Variants in WWC2 observed in about 807,000 individuals in gnomAD.
The protein encoded by WWC2 is WW and C2 domain containing 2.
In WWC2, 101 loss-of-function variants were observed where a neutral mutation model predicts 138.5. The observed-to-expected ratio is 0.73, with a 90% CI of 0.62 to 0.86. The LOEUF (loss-of-function observed/expected upper bound fraction) is 0.86, where lower values mean the gene tolerates loss of function less well. Ranked by LOEUF, WWC2 falls within the 40% of genes least tolerant of loss-of-function variation. The pLI is 0.00. For synonymous variants in WWC2, 558 were observed against 538.4 expected (o/e 1.04, Z -0.50); for missense variants, 1,420 against 1,419.4 (o/e 1.00, Z -0.01).
chr4:183,135,849 T>C (rs1424427018), intron 1 of WWC2, among the ~76,000 whole-genome samples: 1 of 152,214 alleles, frequency 6.6e-6, no homozygotes, highest in Non-Finnish European at 1.5e-5. Context: ...CTGACAGTTA[T>C]TTTCTCACAG....
At chr4:183,265,555 A>G in intron 12 of WWC2, 133 bp from the exon 13 acceptor site, 1 of 917,114 alleles carries the variant, frequency 1.1e-6, no homozygotes, top group Non-Finnish European at 1.7e-6. Flanking sequence ...TTTCGCTGGG[A>G]TCAGTTCCAC....
chr4:183,203,136 G>A (rs531826737), intron 2 of WWC2, among the ~76,000 whole-genome samples: 35 of 149,316 alleles, frequency 2.3e-4, no homozygotes, highest in African/African-American at 7.9e-4. Flanking sequence ...TCCAGTATTC[G>A]TATTCTTATA....
chr4:183,122,465 G>A (rs1273779396), intron 1 of WWC2, among the ~76,000 whole-genome samples: 2 of 152,142 alleles, frequency 1.3e-5, no homozygotes, highest in Non-Finnish European at 2.9e-5. Context: ...GACAAAAGGG[G>A]AAATGTTTGC....
intron 21 of WWC2, among the ~76,000 whole-genome samples, chr4:183,302,371 T>C (rs1738873313): frequency 2.0e-5 from 3 of 152,206 alleles, no homozygotes; most frequent in Non-Finnish European, 4.4e-5. Context: ...TATTTCCTTC[T>C]AATGTTTCTA....
intron 1 of WWC2, among the ~76,000 whole-genome samples, chr4:183,169,091 G>A (rs1238113018): frequency 6.6e-6 from 1 of 151,882 alleles, no homozygotes; most frequent in Non-Finnish European, 1.5e-5. Flanking sequence ...CAGATGATCT[G>A]CCCGCCTTGG....
intron 5 of WWC2, among the ~76,000 whole-genome samples, chr4:183,240,911 G>C (rs1017085626): frequency 4.6e-5 from 7 of 152,208 alleles, no homozygotes; most frequent in Non-Finnish European, 7.3e-5. Flanking sequence ...CACAGGATGA[G>C]GATATCCCTT....
rs538504874 is a variant in WWC2, at chr4:183,131,249, ATTATAATTTTATAAAT to A, written c.131+31646_131+31661del. On this transcript the variant is annotated intron_variant, in intron 1 of 22. Transcript: ENST00000403733. ...CATAGATATAAATGTAAAATATAAA[ATTATAATTTTATAAAT>A]TTATAATTTTATAAATTTTAGAAAA... Among the ~76,000 whole-genome samples the A allele has an allele frequency of 2.1e-4, 32 of 151,956 alleles. No individual in the cohort carries two copies. In the East Asian group the frequency reaches 5.4e-3, roughly 26 times the overall value.
Position 183,156,091 on chromosome 4 carries a change from A to T in WWC2, c.132-37508A>T, listed in dbSNP as rs138838778. ...GCCCAGATTGGAGTACAGTGGCGTGATCTCGGCCCATTGCAACCTCCACAT... is the reference window on the plus strand; with the variant it reads ...GCCCAGATTGGAGTACAGTGGCGTGTTCTCGGCCCATTGCAACCTCCACAT... On this transcript the variant is annotated intron_variant, in intron 1 of 22. Coordinates refer to ENST00000403733, the MANE Select transcript of WWC2 (RefSeq NM_024949.6). Among the ~76,000 whole-genome samples, 157 of 151,208 alleles carry T rather than the reference A, an allele frequency of 1.0e-3. 1 individual carries two copies. The highest frequency in any genetic ancestry group is 1.8e-3 in the Non-Finnish European group (120 of 67,904).
intron 1 of WWC2, among the ~76,000 whole-genome samples, chr4:183,132,668 T>G (rs1379856739): frequency 6.6e-6 from 1 of 152,086 alleles, no homozygotes; most frequent in Non-Finnish European, 1.5e-5. Context: ...TTAGCCAGGA[T>G]GGTCTCGATC....
chr4:183,164,323 A>AT (rs1236881764), intron 1 of WWC2, among the ~76,000 whole-genome samples: 12 of 324 alleles, frequency 0.037, 1 homozygote, highest in African/African-American at 0.088. Context: ...ATATATACAT[A>AT]TATATATATA....
intron 2 of WWC2, among the ~76,000 whole-genome samples, chr4:183,202,131 T>G: frequency 6.6e-6 from 1 of 152,106 alleles, no homozygotes; most frequent in Non-Finnish European, 1.5e-5. Flanking sequence ...TTGGCTAGGT[T>G]GAATAATTTC....
At chr4:183,206,969 A>C (rs1424217626) in intron 2 of WWC2, among the ~76,000 whole-genome samples, 3 of 152,162 alleles carry the variant, frequency 2.0e-5, no homozygotes, top group Non-Finnish European at 4.4e-5. Context: ...CACAGTAAAG[A>C]ATGTGTTTGG....
chr4:183,110,975 C>T (rs1732212978), intron 1 of WWC2, among the ~76,000 whole-genome samples: 2 of 152,184 alleles, frequency 1.3e-5, no homozygotes, highest in Admixed American at 1.3e-4. Context: ...CTCGGTGGCT[C>T]ACGCCTGTAA....
At chr4:183,279,486 C>T (rs1251428122) in intron 16 of WWC2, among the ~76,000 whole-genome samples, 1 of 152,102 alleles carries the variant, frequency 6.6e-6, no homozygotes, top group African/African-American at 2.4e-5. Flanking sequence ...TGATGCTGGC[C>T]TCATCAAATG....
chr4:183,313,504 C>T (rs1039081407), intron 22 of WWC2, among the ~76,000 whole-genome samples: 1 of 151,968 alleles, frequency 6.6e-6, no homozygotes, highest in African/African-American at 2.4e-5. Context: ...GGATGCTGAC[C>T]TCTGCCATGG....
chr4:183,123,954 T>C (rs1227386509), intron 1 of WWC2, among the ~76,000 whole-genome samples: 1 of 152,216 alleles, frequency 6.6e-6, no homozygotes, highest in Non-Finnish European at 1.5e-5. Context: ...GTTGTAATGT[T>C]ATGCTGACTT....
chr4:183,110,432 ATT>A (rs545128013), intron 1 of WWC2, among the ~76,000 whole-genome samples: 260 of 117,350 alleles, frequency 2.2e-3, no homozygotes, highest in Middle Eastern at 8.4e-3. Context: ...CTGTAGAGCT[ATT>A]TTTTTTTTTT....
chr4:183,193,508 C>G (rs1735046692), intron 1 of WWC2, 91 bp from the exon 2 acceptor site: 1 of 1,059,970 alleles, frequency 9.4e-7, no homozygotes, highest in East Asian at 2.5e-5. Flanking sequence ...ATTTTAAATG[C>G]AACCTAGACA....
chr4:183,281,253 T>C, intron 17 of WWC2: 1 of 316,552 alleles, frequency 3.2e-6, no homozygotes, highest in Non-Finnish European at 5.7e-6. Flanking sequence ...TTTAACTACC[T>C]GGAAGTACCA....
Sources: gnomAD v4.1 joint callset for allele counts (sites outside exome capture counted in the v4.1 genomes callset) on GRCh38, gnomAD v4.1.1 for gene constraint, MANE v1.5 for transcripts, NCBI Gene and HGNC (gene_info 2026-07-23, HGNC 2026-07-21) for gene names.